Variants in DYNC2I1 observed in about 807,000 individuals in gnomAD.
DYNC2I1 encodes the protein dynein 2 intermediate chain 1, also known as cytoplasmic dynein 2 intermediate chain 1.
A neutral mutation model predicts 133.4 loss-of-function variants in DYNC2I1; 89 were observed. The observed-to-expected ratio is 0.67, with a 90% CI of 0.56 to 0.80. The LOEUF is 0.80. Among genes scored for constraint, DYNC2I1 ranks in the 30% least tolerant of loss-of-function variants. The pLI is 0.00. For missense variants in DYNC2I1, 1,291 were observed against 1,314.5 expected, an observed-to-expected ratio of 0.98 and a Z score of 0.28; for synonymous variants, 504 against 484.3, an observed-to-expected ratio of 1.04 and a Z score of -0.54.
At chr7:158,906,515 A>G (rs369788749) in intron 11 of DYNC2I1, among the ~76,000 whole-genome samples, 7 of 152,136 alleles carry the variant, frequency 4.6e-5, no homozygotes, top group East Asian at 1.9e-4. Flanking sequence ...CTGGAGTGCA[A>G]TGGCACGATC....
intron 7 of DYNC2I1, among the ~76,000 whole-genome samples, chr7:158,887,648 A>G (rs910109802): frequency 3.3e-5 from 5 of 152,360 alleles, no homozygotes; most frequent in Middle Eastern, 3.4e-3. Flanking sequence ...AGTAGCCTGA[A>G]TAGACCTATA....
intron 14 of DYNC2I1, among the ~76,000 whole-genome samples, chr7:158,915,386 G>A (rs1229977724): frequency 0.04 from 2,845 of 70,354 alleles, 2 homozygotes; most frequent in Middle Eastern, 0.098. Flanking sequence ...GTGAAACGTC[G>A]ACATGCTGGT....
upstream of DYNC2I1, among the ~76,000 whole-genome samples, chr7:158,852,117 G>A (rs569503730): frequency 6.6e-5 from 10 of 151,752 alleles, no homozygotes; most frequent in African/African-American, 2.4e-4. Context: ...GGGCGCCTGA[G>A]ATTCTAAGGG....
the DYNC2I1 span, among the ~76,000 whole-genome samples, chr7:158,850,424 C>T: frequency 6.6e-6 from 1 of 152,174 alleles, no homozygotes; most frequent in Non-Finnish European, 1.5e-5. Flanking sequence ...TGCAGGAACA[C>T]CCAGGGAGCT....
rs1044050657 is a variant in DYNC2I1, at chr7:158,871,483, C to G, written c.411C>G (p.Thr137=). The G allele has an allele frequency of 3.9e-6, 6 of 1,548,228 alleles. No homozygotes were observed. The Admixed American group carries it at 5.9e-5, about 15-fold the overall frequency. Residue 137 remains threonine, a synonymous_variant, in exon 3 of 25, where the codon ACC becomes ACG. Coordinates refer to ENST00000407559, the MANE Select transcript of DYNC2I1 (RefSeq NM_018051.5). ...RRARKEELRQ[T]VAHHNLLGQE... is the part of the protein sequence containing the mutation. ...CCCGGAAGGAAGAGCTCCGGCAGAC[C>G]GTGGCCCACCACAACCTGCTGGGCC...
chr7:158,955,166 A>C (rs1852167012), intron 4 of DYNC2I1, among the ~76,000 whole-genome samples: 1 of 152,232 alleles, frequency 6.6e-6, no homozygotes, highest in African/African-American at 2.4e-5. Context: ...AGAGACCATC[A>C]AATAATGTTG....
intron 1 of DYNC2I1, among the ~76,000 whole-genome samples, chr7:158,858,053 A>G (rs1317468804): frequency 6.6e-6 from 1 of 151,924 alleles, no homozygotes; most frequent in Non-Finnish European, 1.5e-5. Context: ...GGCCTCCCAA[A>G]GTGCTGGGAT....
intron 7 of DYNC2I1, 104 bp downstream of exon 7, chr7:158,887,179 C>A: frequency 1.8e-6 from 2 of 1,130,624 alleles, no homozygotes; most frequent in Non-Finnish European, 1.3e-6. Flanking sequence ...AGACAGGGCT[C>A]ATTTGCAGAT....
chr7:158,925,699 A>T (rs1466118891), intron 17 of DYNC2I1, among the ~76,000 whole-genome samples: 1 of 151,964 alleles, frequency 6.6e-6, no homozygotes, highest in Admixed American at 6.6e-5. Flanking sequence ...TGGTTTTGCA[A>T]ATGCCTGGAT....
chr7:158,922,655 G>A lies in DYNC2I1; in HGVS notation c.2094+106G>A, dbSNP rs3763420. On this transcript the variant is annotated intron_variant, in intron 16 of 24. Coordinates refer to ENST00000407559, the MANE Select transcript of DYNC2I1 (RefSeq NM_018051.5). ...ACGGAGAGAGGTGCAGGGACAGGAG[G>A]TGGGTAGGGACTTATGGGCCATTCT... is the stretch of plus-strand genomic sequence containing the variant. 1.9e-4 allele frequency: 217 copies of A among 1,167,286 alleles called. 1 individual carries two copies. The East Asian group carries it at 5.5e-3, about 30-fold the overall frequency. 72.3% of individuals were successfully genotyped at this position (1,167,286 alleles called of 1,614,324 possible).
In DYNC2I1 at chr7:158,930,509, G is replaced by A. The variant is rs372734939; in HGVS notation, c.2540G>A (p.Gly847Asp). Reference protein sequence around the residue: ...KLVHSALIQLGDSLSHKGNEF... With the variant: ...KLVHSALIQLDDSLSHKGNEF... ...GTACATAGTGCTCTGATCCAGTTGGGTGACAGGTAAGATGTGAGGGAAAAT... is the reference window on the plus strand; with the variant it reads ...GTACATAGTGCTCTGATCCAGTTGGATGACAGGTAAGATGTGAGGGAAAAT... Residue 847 changes from glycine to aspartate, a missense_variant, in exon 21 of 25, where the codon GGT (glycine) becomes GAT (aspartate). Coordinates refer to ENST00000407559, the MANE Select transcript of DYNC2I1 (RefSeq NM_018051.5). The A allele has an allele frequency of 1.3e-4, 217 of 1,612,556 alleles. No individual in the cohort carries two copies. The highest frequency in any genetic ancestry group is 1.5e-4 in the Non-Finnish European group (174 of 1,179,456).
At chr7:158,920,201 C>T (rs547023581) in intron 15 of DYNC2I1, among the ~76,000 whole-genome samples, 3 of 149,826 alleles carry the variant, frequency 2.0e-5, no homozygotes, top group East Asian at 4.0e-4. Context: ...TCGGGGAACA[C>T]GTGAAGTGTG....
At chr7:158,844,659 G>A in the DYNC2I1 span, among the ~76,000 whole-genome samples, 1 of 151,824 alleles carries the variant, frequency 6.6e-6, no homozygotes, top group East Asian at 1.9e-4. Context: ...TTTCGCTCTT[G>A]TTGCCCAGGC....
chr7:158,930,583 G>A (rs1850121045), intron 21 of DYNC2I1, 68 bp downstream of exon 21: 3 of 1,326,926 alleles, frequency 2.3e-6, no homozygotes, highest in Non-Finnish European at 3.2e-6. Flanking sequence ...TTGGGGAATT[G>A]CATATACGGT....
chr7:158,950,143 A>G (rs1229800356), downstream of DYNC2I1, among the ~76,000 whole-genome samples: 1 of 152,124 alleles, frequency 6.6e-6, no homozygotes, highest in Non-Finnish European at 1.5e-5. Context: ...GGCTCACTGC[A>G]GCCTCTGCCT....
At chr7:158,864,939 CA>C (rs1220699290) in intron 1 of DYNC2I1, among the ~76,000 whole-genome samples, 1 of 152,240 alleles carries the variant, frequency 6.6e-6, no homozygotes, top group Non-Finnish European at 1.5e-5. Context: ...CCACTGCCCA[CA>C]GGTGGCTGCA....
intron 1 of DYNC2I1, among the ~76,000 whole-genome samples, chr7:158,868,883 A>C (rs1176265938): frequency 6.6e-6 from 1 of 152,154 alleles, no homozygotes; most frequent in African/African-American, 2.4e-5. Flanking sequence ...AGATTTAAAT[A>C]TTGGTGCTTG....
intron 20 of DYNC2I1, among the ~76,000 whole-genome samples, chr7:158,928,092 G>C (rs1282639168): frequency 6.6e-6 from 1 of 152,186 alleles, no homozygotes; most frequent in Non-Finnish European, 1.5e-5. Flanking sequence ...TGGATCCCAG[G>C]GTGGCAAAGG....
intron 6 of DYNC2I1, among the ~76,000 whole-genome samples, chr7:158,885,787 G>T (rs1397153299): frequency 6.6e-6 from 1 of 152,026 alleles, no homozygotes; most frequent in Non-Finnish European, 1.5e-5. Flanking sequence ...TTAAACCTAG[G>T]GTGTCAATTC....
Sources: allele counts gnomAD v4.1 joint callset (sites outside exome capture counted in the v4.1 genomes callset), GRCh38; gene constraint gnomAD v4.1.1; transcripts MANE v1.5; gene names NCBI Gene and HGNC (gene_info 2026-07-23, HGNC 2026-07-21).